Variants in ST14 observed in about 807,000 individuals in gnomAD.
ST14 encodes the protein suppressor of tumorigenicity 14 protein.
Under a neutral mutation model 96.5 loss-of-function variants are expected in ST14, and 40 were observed. The ratio of observed to expected loss-of-function variants is 0.41; its 90% confidence interval spans 0.32 to 0.54. The LOEUF (loss-of-function observed/expected upper bound fraction) is 0.54. Ranked by LOEUF, ST14 falls within the 20% of genes least tolerant of loss-of-function variation. The pLI, the probability that ST14 is intolerant of heterozygous loss-of-function variation, is 0.17. For missense variants in ST14, 1,066 were observed against 1,188.9 expected, an observed-to-expected ratio of 0.90 and a Z score of 1.52; for synonymous variants, 506 against 492.1, an observed-to-expected ratio of 1.03 and a Z score of -0.37.
rs900538620 is a variant in ST14 at position 130,189,949 on chromosome 11, G to A, written c.598+53G>A. The A allele has an allele frequency of 3.1e-6, 5 of 1,612,912 alleles. No homozygotes were observed. The African/African-American group carries it at 4.0e-5, about 13-fold the overall frequency. ...GGGACTGGCCAGCCTTCCATGGAGT[G>A]GGGCTGGGCCCTGGACCATTGCAGG... On this transcript the variant is annotated intron_variant, in intron 5 of 18. Coordinates refer to ENST00000278742, the MANE Select transcript of ST14 (RefSeq NM_021978.4).
In ST14 at chr11:130,194,176, C is replaced by T. The variant is rs1953334272; in HGVS notation, c.903C>T (p.Tyr301=). Residue 301 remains tyrosine (Y), a synonymous_variant, in exon 8 of 19, where the codon TAC becomes TAT. Transcript: ENST00000278742. The part of the protein sequence containing the change: ...VQLCGTYPPS[Y]NLTFHSSQNV... Reference sequence around the variant, plus strand: ...TGTGTGGCACCTACCCTCCCTCCTACAACCTGACCTTCCACTCCTCCCAGA... The same window carrying T: ...TGTGTGGCACCTACCCTCCCTCCTATAACCTGACCTTCCACTCCTCCCAGA... 5.0e-6 allele frequency: 8 copies of T among 1,614,248 alleles called. No homozygotes were observed. Among genetic ancestry groups the T allele is most frequent in the Non-Finnish European group, 6.8e-6 (8 of 1,180,036 alleles).
intron 1 of ST14, among the ~76,000 whole-genome samples, chr11:130,172,044 T>A (rs1953096682): frequency 6.6e-6 from 1 of 152,148 alleles, no homozygotes; most frequent in African/African-American, 2.4e-5. Flanking sequence ...AGCAAGATAG[T>A]GTCAATTAAG....
chr11:130,183,114 G>T (rs771722921), intron 1 of ST14, among the ~76,000 whole-genome samples: 2 of 151,328 alleles, frequency 1.3e-5, no homozygotes, highest in African/African-American at 2.4e-5. Flanking sequence ...CCACGACCAC[G>T]CCTGGCTAAT....
chr11:130,205,901 G>A (rs1015525194), intron 16 of ST14, among the ~76,000 whole-genome samples: 2 of 151,848 alleles, frequency 1.3e-5, no homozygotes, highest in African/African-American at 4.8e-5. Context: ...GTTTCACCAC[G>A]TTGGCCAGGC....
chr11:130,189,843 C>T lies in ST14; in HGVS notation c.545C>T (p.Pro182Leu), dbSNP rs1309560566. ...GCCGAGGAGCGCGTAGTCATGCTGC[C>T]CCCGCGGGCGCGCTCCCTGAAGTCC... ...VMAEERVVML[P>L]PRARSLKSFV... Residue 182 changes from proline to leucine, a missense_variant, in exon 5 of 19, where the codon CCC (proline) becomes CTC (leucine). Physicochemically the swap from Pro to Leu is moderately conservative, Grantham distance 98 (BLOSUM62 -3). Coordinates refer to ENST00000278742, the MANE Select transcript of ST14 (RefSeq NM_021978.4). The T allele has an allele frequency of 6.2e-6, 10 of 1,613,924 alleles. No homozygotes were observed. Among genetic ancestry groups the T allele is most frequent in the Non-Finnish European group, 8.5e-6 (10 of 1,179,930 alleles).
chr11:130,202,631 A>G (rs73038960), intron 16 of ST14, among the ~76,000 whole-genome samples: 8,764 of 152,292 alleles, frequency 0.058, 331 homozygotes, highest in Middle Eastern at 0.099. Flanking sequence ...TGAGATGTGC[A>G]GGGGCATGGT....
intron 7 of ST14, among the ~76,000 whole-genome samples, chr11:130,192,800 A>T (rs1953317617): frequency 6.6e-6 from 1 of 152,172 alleles, no homozygotes; most frequent in African/African-American, 2.4e-5. Context: ...GAAGTATATT[A>T]TGATGGTCTT....
intron 1 of ST14, among the ~76,000 whole-genome samples, chr11:130,170,819 G>A (rs1399677348): frequency 6.6e-6 from 1 of 151,996 alleles, no homozygotes; most frequent in Non-Finnish European, 1.5e-5. Context: ...CCCAAGAAGT[G>A]GGTTTTGTAG....
chr11:130,202,913 G>C (rs1280679486), intron 16 of ST14, among the ~76,000 whole-genome samples: 1 of 152,166 alleles, frequency 6.6e-6, no homozygotes, highest in African/African-American at 2.4e-5. Context: ...AGTTCTACCT[G>C]AGCACTAGCG....
chr11:130,206,809 C>T (rs998439167), intron 16 of ST14, among the ~76,000 whole-genome samples: 3 of 152,104 alleles, frequency 2.0e-5, no homozygotes, highest in Non-Finnish European at 4.4e-5. Context: ...CTCAGGCGAT[C>T]CACCCACCTC....
intron 16 of ST14, among the ~76,000 whole-genome samples, chr11:130,201,591 T>C (rs1953429226): frequency 6.6e-6 from 1 of 152,280 alleles, no homozygotes; most frequent in Non-Finnish European, 1.5e-5. Context: ...TTGTCCAGCC[T>C]GAGGCTGTCC....
intron 16 of ST14, 78 bp downstream of exon 16, chr11:130,200,215 C>T: frequency 1.3e-6 from 2 of 1,557,058 alleles, no homozygotes; most frequent in Non-Finnish European, 1.8e-6. Context: ...TAGGTTGGCA[C>T]CGAGGCAGGG....
chr11:130,176,467 C>T (rs866999932), intron 1 of ST14, among the ~76,000 whole-genome samples: 2 of 151,820 alleles, frequency 1.3e-5, no homozygotes, highest in South Asian at 4.2e-4. Flanking sequence ...CGGCTCACTG[C>T]AAGCTCCACT....
In ST14 at chr11:130,198,293, C is replaced by T. The variant is rs1272287147; in HGVS notation, c.1460-15C>T. On this transcript the variant is annotated splice_polypyrimidine_tract_variant and intron_variant, in intron 12 of 18. Transcript: ENST00000278742. ...ATGAGGGCCTCACGGCCGACCTCCC[C>T]TTACCCCACTCCAGGTTGCGACGCC... The T allele has an allele frequency of 1.2e-6, 2 of 1,613,092 alleles. No individual in the cohort carries two copies. Among genetic ancestry groups the T allele is most frequent in the East Asian group, 2.2e-5 (1 of 44,876 alleles).
intron 1 of ST14, among the ~76,000 whole-genome samples, chr11:130,178,537 C>G (rs549627471): frequency 1.7e-3 from 260 of 152,262 alleles, no homozygotes; most frequent in Non-Finnish European, 3.0e-3. Flanking sequence ...GCTGGCTGCT[C>G]CCTGGCAGAG....
At position 130,181,898 on chromosome 11, in the gene ST14, G is replaced by A. The variant is rs1046330514; in HGVS notation, c.82-6216G>A. On this transcript the variant is annotated intron_variant, in intron 1 of 18. Transcript: ENST00000278742. The surrounding 1 kb of genome is among the most constrained non-coding windows in gnomAD (Gnocchi z 4.1). ...AGCCACAGAACTCACACTGCAGGGA[G>A]GACAGAGGACCCACCATTGAGCTAG... Among the ~76,000 whole-genome samples the A allele has an allele frequency of 6.6e-6, 1 of 152,362 alleles. No homozygotes were observed. Among genetic ancestry groups the A allele is most frequent in the African/African-American group, 2.4e-5 (1 of 41,584 alleles).
At chr11:130,179,246 G>T (rs1953168470) in intron 1 of ST14, among the ~76,000 whole-genome samples, 1 of 152,206 alleles carries the variant, frequency 6.6e-6, no homozygotes, top group Non-Finnish European at 1.5e-5. Flanking sequence ...TGGGAATCTG[G>T]ATGTGGAACA....
chr11:130,173,860 C>G (rs1046456913), intron 1 of ST14, among the ~76,000 whole-genome samples: 3 of 152,122 alleles, frequency 2.0e-5, no homozygotes, highest in Non-Finnish European at 1.5e-5. Flanking sequence ...CCAGGGTGTC[C>G]CTACCCACTT....
In ST14 at chr11:130,194,632, CCT is replaced by C; in HGVS notation, c.1016-4_1016-3del. 1 of 1,614,066 alleles carries C rather than the reference CCT, an allele frequency of 6.2e-7. No individual in the cohort carries two copies. On this transcript the variant is annotated splice_region_variant and splice_polypyrimidine_tract_variant and intron_variant, in intron 8 of 18. Transcript: ENST00000278742. ...GATCCTCTTGCTTTCTCCCACCTTC[CCT>C]CTCAGGCTGTGGAGGCCGCTTACGT... is the stretch of plus-strand genomic sequence containing the variant.
Sources: gnomAD v4.1 joint callset for allele counts (sites outside exome capture counted in the v4.1 genomes callset) on GRCh38, gnomAD v4.1.1 for gene constraint, Gnocchi (gnomAD v3.1) non-coding constraint, MANE v1.5 for transcripts, NCBI Gene and HGNC (gene_info 2026-07-23, HGNC 2026-07-21) for gene names.